ROBO2: variants seen among roughly 807,000 people sequenced by gnomAD.
The protein encoded by ROBO2 is roundabout homolog 2.
In ROBO2, 53 loss-of-function variants were observed where a neutral mutation model predicts 160.8. That is an observed-to-expected ratio of 0.33 (90% CI 0.26 to 0.41). The LOEUF (loss-of-function observed/expected upper bound fraction) is 0.41. Ranked by LOEUF, ROBO2 falls within the 10% of genes least tolerant of loss-of-function variation. ROBO2 has a pLI of 1.00. For synonymous variants in ROBO2, 664 were observed against 611.7 expected (o/e 1.09, Z -1.26); for missense variants, 1,577 against 1,722.4 (o/e 0.92, Z 1.49).
rs116320162 is a variant in ROBO2 at position 76,724,729 on chromosome 3, C to T, written c.110-373285C>T. Among the ~76,000 whole-genome samples the T allele has an allele frequency of 6.1e-3, 927 of 152,246 alleles. 7 individuals carry two copies. The highest frequency in any genetic ancestry group is 0.021 in the African/African-American group (866 of 41,548). ...GGCCCCAAAGATATCACACCCTAAT[C>T]TCTGCAACCTATAAATGTTACTTAT... On this transcript the variant is annotated intron_variant, in intron 2 of 26. Coordinates refer to the ROBO2 transcript ENST00000487694.
chr3:76,455,849 C>A (rs1161313199), intron 2 of ROBO2, among the ~76,000 whole-genome samples: 1 of 152,138 alleles, frequency 6.6e-6, no homozygotes, highest in Non-Finnish European at 1.5e-5. Context: ...TATTTGTCTG[C>A]ATGTCATGTC....
At chr3:77,533,171 G>A (rs1178396109) in intron 6 of ROBO2, among the ~76,000 whole-genome samples, 2 of 152,038 alleles carry the variant, frequency 1.3e-5, no homozygotes, top group Non-Finnish European at 2.9e-5. Flanking sequence ...AACATACTAT[G>A]TTCTTCTCAG....
intron 2 of ROBO2, among the ~76,000 whole-genome samples, chr3:76,956,190 G>T (rs2079242335): frequency 6.6e-6 from 1 of 152,110 alleles, no homozygotes; most frequent in African/African-American, 2.4e-5. Context: ...AAAAGTAAAT[G>T]CAGAAATTAA....
intron 2 of ROBO2, among the ~76,000 whole-genome samples, chr3:76,315,219 C>T (rs2071912985): frequency 6.6e-6 from 1 of 152,150 alleles, no homozygotes; most frequent in Admixed American, 6.5e-5. Flanking sequence ...TGAGTTCACT[C>T]AATCATCTCA....
chr3:76,698,732 T>A (rs1041216311), intron 2 of ROBO2, among the ~76,000 whole-genome samples: 4 of 152,232 alleles, frequency 2.6e-5, no homozygotes, highest in African/African-American at 9.6e-5. Context: ...CTCCAAATTA[T>A]TTTTAACAGT....
At chr3:77,108,357 A>G (rs889387790) in intron 2 of ROBO2, among the ~76,000 whole-genome samples, 3 of 150,822 alleles carry the variant, frequency 2.0e-5, no homozygotes, top group Non-Finnish European at 4.4e-5. Context: ...ATGTGATATT[A>G]GAGATGTGAT....
chr3:76,560,098 C>T (rs1217933762), intron 2 of ROBO2, among the ~76,000 whole-genome samples: 1 of 151,978 alleles, frequency 6.6e-6, no homozygotes, highest in Non-Finnish European at 1.5e-5. Context: ...TTATTTTTCT[C>T]CCAGTTAAAA....
intron 2 of ROBO2, among the ~76,000 whole-genome samples, chr3:77,425,563 C>A (rs2078113592): frequency 6.6e-6 from 1 of 151,896 alleles, no homozygotes; most frequent in South Asian, 2.1e-4. Context: ...GTGAGAGGAA[C>A]TGGGAAGGAG....
intron 3 of ROBO2, 33 bp from the exon 4 acceptor site, chr3:77,481,066 C>T: frequency 6.4e-7 from 1 of 1,566,568 alleles, no homozygotes; most frequent in East Asian, 2.2e-5. Flanking sequence ...CCTTTTTCTT[C>T]CCTTCTCTTT....
chr3:76,286,514 C>A (rs576058072), intron 2 of ROBO2, among the ~76,000 whole-genome samples: 7 of 152,224 alleles, frequency 4.6e-5, no homozygotes, highest in African/African-American at 1.7e-4. Flanking sequence ...TTCAGCATCA[C>A]TTTGTTGTCA....
intron 2 of ROBO2, among the ~76,000 whole-genome samples, chr3:76,501,147 G>A (rs1395503064): frequency 6.6e-6 from 1 of 152,156 alleles, no homozygotes; most frequent in African/African-American, 2.4e-5. Context: ...TTTTAAACCA[G>A]ATTTTATCAG....
chr3:77,001,959 A>T (rs995738144), intron 2 of ROBO2, among the ~76,000 whole-genome samples: 1 of 152,162 alleles, frequency 6.6e-6, no homozygotes, highest in African/African-American at 2.4e-5. Flanking sequence ...AACTAGCCCA[A>T]ATCAGGAATT....
At chr3:76,466,718 T>C (rs892932478) in intron 2 of ROBO2, among the ~76,000 whole-genome samples, 3 of 152,000 alleles carry the variant, frequency 2.0e-5, no homozygotes, top group African/African-American at 7.2e-5. Context: ...GTGTCTTAGA[T>C]ACATAGGTTA....
chr3:77,429,758 G>C (rs1436177777), intron 2 of ROBO2, among the ~76,000 whole-genome samples: 1 of 151,868 alleles, frequency 6.6e-6, no homozygotes, highest in Non-Finnish European at 1.5e-5. Flanking sequence ...AACACAATCT[G>C]TGATCTGCTG....
intron 2 of ROBO2, among the ~76,000 whole-genome samples, chr3:76,884,669 C>A (rs1211822762): frequency 6.6e-6 from 1 of 152,052 alleles, no homozygotes; most frequent in East Asian, 1.9e-4. Flanking sequence ...TTACTAGAAG[C>A]CTAGAGCTGT....
At chr3:77,597,230 A>G (rs2094326242) in intron 19 of ROBO2, among the ~76,000 whole-genome samples, 1 of 152,146 alleles carries the variant, frequency 6.6e-6, no homozygotes, top group Admixed American at 6.6e-5. Flanking sequence ...GAAATAGACA[A>G]TTAAGTCAAT....
intron 1 of ROBO2, among the ~76,000 whole-genome samples, chr3:77,095,841 G>C (rs946648277): frequency 1.1e-4 from 17 of 151,690 alleles, no homozygotes; most frequent in Non-Finnish European, 1.9e-4. Context: ...TTAAGACCCA[G>C]TACTCATGAT....
At chr3:76,760,973 G>A (rs1484407839) in intron 2 of ROBO2, among the ~76,000 whole-genome samples, 1 of 151,356 alleles carries the variant, frequency 6.6e-6, no homozygotes, top group Non-Finnish European at 1.5e-5. Context: ...AAATGAGGCA[G>A]TTTGATTAAG....
At chr3:76,478,663 C>T (rs2079057284) in intron 2 of ROBO2, among the ~76,000 whole-genome samples, 1 of 150,440 alleles carries the variant, frequency 6.6e-6, no homozygotes, top group African/African-American at 2.5e-5. Context: ...TATCCAACAT[C>T]ACACACTTTT....
Sources: gnomAD v4.1 joint callset for allele counts (sites outside exome capture counted in the v4.1 genomes callset) on GRCh38, gnomAD v4.1.1 for gene constraint, MANE v1.5 for transcripts, NCBI Gene and HGNC (gene_info 2026-07-23, HGNC 2026-07-21) for gene names.